Variants in SMG6 observed in about 807,000 individuals in gnomAD.
The protein encoded by SMG6 is SMG6 nonsense mediated mRNA decay factor, also known as telomerase-binding protein EST1A.
Under a neutral mutation model 142.2 loss-of-function variants are expected in SMG6, and 66 were observed. The observed-to-expected ratio is 0.46, with a 90% CI of 0.38 to 0.57. The LOEUF (loss-of-function observed/expected upper bound fraction) is 0.57, where lower values mean the gene tolerates loss of function less well. Among genes scored for constraint, SMG6 ranks in the 20% least tolerant of loss-of-function variants. The pLI is 0.00. For missense variants in SMG6, 1,793 were observed against 1,832.0 expected (o/e 0.98, Z 0.39); for synonymous variants, 779 against 702.4 (o/e 1.11, Z -1.72).
intron 10 of SMG6, among the ~76,000 whole-genome samples, chr17:2,200,521 C>T (rs978142864): frequency 3.0e-5 from 4 of 133,684 alleles, no homozygotes; most frequent in South Asian, 5.0e-4. Flanking sequence ...CCCAAACCCA[C>T]GACAGAAAAA....
intron 13 of SMG6, among the ~76,000 whole-genome samples, chr17:2,144,466 C>T (rs989205069): frequency 6.6e-6 from 1 of 152,054 alleles, no homozygotes; most frequent in African/African-American, 2.4e-5. Context: ...CTTGACTTCC[C>T]TAAGTAGTGG....
intron 10 of SMG6, chr17:2,236,224 G>A (rs2073647077): frequency 3.6e-6 from 1 of 277,006 alleles, no homozygotes; most frequent in South Asian, 7.8e-5. Flanking sequence ...CCTTTCGCGT[G>A]GCCAGATGTG....
intron 13 of SMG6, among the ~76,000 whole-genome samples, chr17:2,098,183 T>A (rs2068909021): frequency 6.6e-6 from 1 of 152,124 alleles, no homozygotes; most frequent in Non-Finnish European, 1.5e-5. Flanking sequence ...GGTTTCACCA[T>A]ATTGCCCCAG....
chr17:2,300,588 G>A lies in SMG6; in HGVS notation c.165C>T (p.Gly55=). ...TGGGCTTGTTCCTTAGCCGAGAAAG[G>A]CCAGGCTTATAGATTTCCAGATCTG... The part of the protein sequence containing the change: ...RRPDLEIYKP[G]LSRLRNKPKI... Residue 55 remains glycine, a synonymous_variant, in exon 2 of 19, where the codon GGC becomes GGT. Transcript: ENST00000263073. 6.2e-7 allele frequency: 1 copy of A among 1,613,904 alleles called. No homozygotes were observed. Among genetic ancestry groups the A allele is most frequent in the Non-Finnish European group, 8.5e-7 (1 of 1,179,898 alleles).
At chr17:2,089,974 A>C (rs1366661065) in intron 13 of SMG6, among the ~76,000 whole-genome samples, 3 of 152,098 alleles carry the variant, frequency 2.0e-5, no homozygotes, top group Admixed American at 2.0e-4. Context: ...ACCTGAGGTC[A>C]GGAGTTCAAG....
intron 13 of SMG6, among the ~76,000 whole-genome samples, chr17:2,171,345 G>GA (rs1285110130): frequency 1.0e-5 from 1 of 98,872 alleles, no homozygotes; most frequent in East Asian, 2.9e-4. Flanking sequence ...CAGTTTTATT[G>GA]AAAATGAAAG....
intron 10 of SMG6, among the ~76,000 whole-genome samples, chr17:2,205,817 T>C (rs2072661398): frequency 6.6e-6 from 1 of 152,074 alleles, no homozygotes; most frequent in South Asian, 2.1e-4. Context: ...ATATATATTT[T>C]TTTTCTTCCC....
chr17:2,196,834 A>G (rs1435509718), intron 10 of SMG6, among the ~76,000 whole-genome samples: 1 of 152,192 alleles, frequency 6.6e-6, no homozygotes, highest in Non-Finnish European at 1.5e-5. Context: ...TTTGAGACTA[A>G]CGTAAACAAC....
chr17:2,274,790 T>A (rs1400991417), intron 8 of SMG6, among the ~76,000 whole-genome samples: 1 of 152,090 alleles, frequency 6.6e-6, no homozygotes, highest in Non-Finnish European at 1.5e-5. Flanking sequence ...GTAAACCAAA[T>A]CATTCCACGG....
chr17:2,225,957 T>C lies in SMG6; in HGVS notation c.2869+10535A>G, dbSNP rs192164552. Among the ~76,000 whole-genome samples, 824 of 152,318 alleles carry C rather than the reference T, an allele frequency of 5.4e-3. 20 individuals carry two copies. Among genetic ancestry groups the C allele is most frequent in the Admixed American group, 0.043 (658 of 15,284 alleles). On this transcript the variant is annotated intron_variant, in intron 10 of 18. Transcript: ENST00000263073. ...AAAATATAAATCGGATAAGGGCTTA[T>C]GTCCAGGTTATAGAGAGAACTCTTA...
intron 13 of SMG6, among the ~76,000 whole-genome samples, chr17:2,142,888 C>CAAA (rs1164289108): frequency 5.5e-4 from 29 of 52,478 alleles, no homozygotes; most frequent in East Asian, 9.8e-4. Context: ...AACACTGTCT[C>CAAA]AAAAAAAAAA....
chr17:2,107,659 G>C (rs2069190666), intron 13 of SMG6, among the ~76,000 whole-genome samples: 1 of 152,154 alleles, frequency 6.6e-6, no homozygotes, highest in African/African-American at 2.4e-5. Flanking sequence ...AAACAGCTCT[G>C]ATGGAACAAG....
intron 13 of SMG6, among the ~76,000 whole-genome samples, chr17:2,116,738 ACT>A (rs2069518599): frequency 6.6e-6 from 1 of 151,838 alleles, no homozygotes; most frequent in African/African-American, 2.4e-5. Flanking sequence ...GCAGAGCGAG[ACT>A]CTGCCTCAAA....
chr17:2,155,685 T>C (rs2070979305), intron 13 of SMG6, among the ~76,000 whole-genome samples: 2 of 152,188 alleles, frequency 1.3e-5, no homozygotes, highest in Admixed American at 1.3e-4. Context: ...TTCTAGCACT[T>C]TTTGGGTGCT....
intron 8 of SMG6, chr17:2,266,080 T>A: frequency 1.0e-6 from 1 of 985,356 alleles, no homozygotes. Context: ...CTCTTCAGGA[T>A]CTAGTACTTT....
intron 8 of SMG6, among the ~76,000 whole-genome samples, chr17:2,277,759 T>C (rs1221524338): frequency 6.6e-6 from 1 of 152,190 alleles, no homozygotes; most frequent in Non-Finnish European, 1.5e-5. Flanking sequence ...AAAAAATGTA[T>C]TTCAGCCAGG....
chr17:2,254,181 A>G (rs558679097), intron 8 of SMG6, among the ~76,000 whole-genome samples: 2 of 152,310 alleles, frequency 1.3e-5, no homozygotes, highest in East Asian at 3.9e-4. Flanking sequence ...GGGAACTCTC[A>G]TGCCCATCCA....
At chr17:2,193,660 GAGA>G (rs1257397499) in intron 10 of SMG6, among the ~76,000 whole-genome samples, 1 of 152,186 alleles carries the variant, frequency 6.6e-6, no homozygotes, top group Non-Finnish European at 1.5e-5. Context: ...TCCTGTCTGG[GAGA>G]AGAAGATAAT....
Position 2,087,586 on chromosome 17 carries a change from C to T in SMG6, c.3358-1685G>A, listed in dbSNP as rs952776279. ...GAAGGGCTTAGAAAAAGTTCAGCCC[C>T]TTGAGCTTGGGGTGCCTGGTCCTGG... On this transcript the variant is annotated intron_variant, in intron 13 of 18. Transcript: ENST00000263073. The T allele has an allele frequency of 9.0e-6, 9 of 1,003,028 alleles. No individual in the cohort carries two copies. In the East Asian group the frequency reaches 6.0e-4, roughly 67 times the overall value. 62.1% of individuals were successfully genotyped at this position (1,003,028 alleles called of 1,614,324 possible).
Sources: allele counts gnomAD v4.1 joint callset (sites outside exome capture counted in the v4.1 genomes callset), GRCh38; gene constraint gnomAD v4.1.1; transcripts MANE v1.5; gene names NCBI Gene and HGNC (gene_info 2026-07-23, HGNC 2026-07-21).